The following COL4A5 variants were observed in gnomAD, a reference collection of about 807,000 sequenced individuals.
COL4A5 encodes the protein collagen alpha-5(IV) chain.
A neutral mutation model predicts 130.2 loss-of-function variants in COL4A5; 26 were observed. The ratio of observed to expected loss-of-function variants is 0.20; its 90% CI spans 0.15 to 0.28. COL4A5 has a LOEUF of 0.28. COL4A5 is among the 10% of genes least tolerant of loss of function. The probability of loss-of-function intolerance (pLI) is 1.00; values close to 1 mark genes in which losing one functional copy is unlikely to be tolerated. For missense variants in COL4A5, 1,131 were observed against 1,344.3 expected, an observed-to-expected ratio of 0.84 and a Z score of 2.48; for synonymous variants, 496 against 439.6, an observed-to-expected ratio of 1.13 and a Z score of -1.60.
At chrX:108,628,908 G>A (rs955653884) in intron 36 of COL4A5, among the ~76,000 whole-genome samples, 2 of 111,685 alleles carry the variant, frequency 1.8e-5, no homozygotes, top group Admixed American at 9.6e-5. Flanking sequence ...TAGTCAAGGA[G>A]TCATACAATA....
intron 52 of COL4A5, chrX:108,696,035 A>C (rs1806761374): frequency 1.2e-5 from 4 of 327,126 alleles, no homozygotes; most frequent in Non-Finnish European, 2.2e-5. Context: ...TGAGAGAAAG[A>C]GAAAAAGATA....
In COL4A5 at chrX:108,568,699, T is replaced by C. The variant is rs760397062; in HGVS notation, c.321+26T>C. The C allele has an allele frequency of 7.5e-6, 9 of 1,195,247 alleles. 1 individual carries two copies. In the East Asian group the frequency reaches 2.7e-4, roughly 35 times the overall value. ...GTAAGTAGCATTTCACTTTTTACTTTGAAATCTCTTGAAAAGTAATCTAAG... is the reference window on the plus strand; with the variant it reads ...GTAAGTAGCATTTCACTTTTTACTTCGAAATCTCTTGAAAAGTAATCTAAG... On this transcript the variant is annotated intron_variant, in intron 5 of 52. Coordinates refer to ENST00000328300, the MANE Select transcript of COL4A5 (RefSeq NM_033380.3).
At chrX:108,441,879 A>T (rs1208088165) in intron 1 of COL4A5, among the ~76,000 whole-genome samples, 1 of 111,949 alleles carries the variant, frequency 8.9e-6, no homozygotes, top group Non-Finnish European at 1.9e-5. Flanking sequence ...ACATCAATTA[A>T]TATTAAATCA....
In COL4A5 at chrX:108,568,671, C is replaced by T. The variant is rs182634806; in HGVS notation, c.319C>T (p.Pro107Ser). Reference protein sequence around the residue: ...LPGFPGTPGLPGMPGHDGAPG... With the variant: ...LPGFPGTPGLSGMPGHDGAPG... ...TGGATTTCCAGGGACACCAGGTCTTCCTGTAAGTAGCATTTCACTTTTTAC... is the reference window on the plus strand; with the variant it reads ...TGGATTTCCAGGGACACCAGGTCTTTCTGTAAGTAGCATTTCACTTTTTAC... Residue 107 changes from proline (P) to serine (S), a missense_variant and splice_region_variant, in exon 5 of 53, where the codon CCT becomes TCT. By Grantham distance (74) the Pro-to-Ser change is moderately conservative. Coordinates refer to ENST00000328300, the MANE Select transcript of COL4A5 (RefSeq NM_033380.3). 1.7e-4 allele frequency: 198 copies of T among 1,199,296 alleles called. No individual in the cohort carries two copies. The highest frequency in any genetic ancestry group is 2.0e-4 in the Non-Finnish European group (174 of 885,875).
At chrX:108,605,088 T>C (rs2066706845) in intron 28 of COL4A5, among the ~76,000 whole-genome samples, 1 of 112,394 alleles carries the variant, frequency 8.9e-6, no homozygotes, top group African/African-American at 3.2e-5. Context: ...CATTCGTGTG[T>C]TCACTGGAGT....
intron 36 of COL4A5, among the ~76,000 whole-genome samples, chrX:108,634,586 T>G (rs1167775794): frequency 8.9e-6 from 1 of 111,881 alleles, no homozygotes; most frequent in African/African-American, 3.2e-5. Context: ...GTATTGTAAG[T>G]TATACGAGAA....
intron 19 of COL4A5, among the ~76,000 whole-genome samples, chrX:108,589,104 A>G (rs1255369327): frequency 5.4e-5 from 6 of 111,898 alleles, no homozygotes; most frequent in African/African-American, 1.6e-4. Flanking sequence ...GTTTTAAGTA[A>G]CAACTTGGAG....
intron 1 of COL4A5, among the ~76,000 whole-genome samples, chrX:108,500,175 G>C (rs1273430005): frequency 4.5e-5 from 5 of 111,795 alleles, no homozygotes; most frequent in Non-Finnish European, 9.4e-5. Context: ...GCTAGCACAG[G>C]CAGGTAGGGA....
intron 47 of COL4A5, among the ~76,000 whole-genome samples, chrX:108,684,808 A>C (rs190568797): frequency 1.5e-3 from 165 of 112,294 alleles, no homozygotes; most frequent in African/African-American, 5.2e-3. Context: ...AAAAAAAGAA[A>C]ATTTCAGTCC....
At chrX:108,539,592 GGTAACT>G (rs2065506038) in intron 1 of COL4A5, among the ~76,000 whole-genome samples, 148 bp from the exon 2 acceptor site, 1 of 111,866 alleles carries the variant, frequency 8.9e-6, no homozygotes, top group African/African-American at 3.2e-5. Flanking sequence ...CTTCCTGAGA[GGTAACT>G]GTTATTTGCA....
At chrX:108,464,040 C>T (rs977088792) in intron 1 of COL4A5, among the ~76,000 whole-genome samples, 19 of 111,715 alleles carry the variant, frequency 1.7e-4, no homozygotes, top group Non-Finnish European at 3.0e-4. Context: ...GACTCTTCCA[C>T]CTACCAATTG....
chrX:108,620,842 A>G (rs2067026235), intron 31 of COL4A5, among the ~76,000 whole-genome samples: 1 of 110,903 alleles, frequency 9.0e-6, no homozygotes, highest in Admixed American at 9.6e-5. Flanking sequence ...CTCATCGTCC[A>G]TGGTACCTCT....
chrX:108,692,686 A>G, intron 49 of COL4A5, 62 bp from the exon 50 acceptor site: 1 of 1,108,003 alleles, frequency 9.0e-7, no homozygotes, highest in South Asian at 1.8e-5. Context: ...CTATTGTTTT[A>G]GAAGAAACCA....
intron 1 of COL4A5, among the ~76,000 whole-genome samples, chrX:108,464,034 C>T (rs1360500262): frequency 8.9e-6 from 1 of 111,804 alleles, no homozygotes; most frequent in Non-Finnish European, 1.9e-5. Context: ...TATCGAGACT[C>T]TTCCACCTAC....
chrX:108,535,072 G>A (rs1276507216), intron 1 of COL4A5, among the ~76,000 whole-genome samples: 1 of 110,008 alleles, frequency 9.1e-6, no homozygotes, highest in Non-Finnish European at 1.9e-5. Flanking sequence ...ACTTTATACT[G>A]TCTCTCTTCA....
At position 108,591,175 on chromosome X, in the gene COL4A5, C is replaced by G. The variant is rs767021073; in HGVS notation, c.1283C>G (p.Pro428Arg). ...IPGPPGLDGQ[P>R]GAPGLPGPPG... ...GGACCTCCTGGACTTGACGGACAGC[C>G]TGGGGCTCCTGGGCTTCCAGGGCCT... Residue 428 changes from proline to arginine, a missense_variant, in exon 20 of 53, where the codon CCT becomes CGT. Physicochemically the swap from Pro to Arg is moderately radical, Grantham distance 103. Coordinates refer to ENST00000328300, the MANE Select transcript of COL4A5 (RefSeq NM_033380.3). The G allele has an allele frequency of 1.7e-6, 2 of 1,210,183 alleles. No individual in the cohort carries two copies. Among genetic ancestry groups the G allele is most frequent in the Non-Finnish European group, 2.2e-6 (2 of 895,076 alleles).
At chrX:108,688,471 T>C (rs1234419394) in intron 49 of COL4A5, among the ~76,000 whole-genome samples, 1 of 110,027 alleles carries the variant, frequency 9.1e-6, no homozygotes, top group Admixed American at 9.7e-5. Flanking sequence ...AGCCTCGCTC[T>C]GTCGCCCAGG....
intron 1 of COL4A5, among the ~76,000 whole-genome samples, chrX:108,443,917 T>A (rs1484138901): frequency 3.6e-5 from 4 of 112,360 alleles, no homozygotes; most frequent in African/African-American, 1.3e-4. Context: ...AGACATTGAT[T>A]TCAATTTTCA....
chrX:108,498,890 A>T (rs185022009), intron 1 of COL4A5, among the ~76,000 whole-genome samples: 2 of 111,350 alleles, frequency 1.8e-5, no homozygotes, highest in African/African-American at 6.5e-5. Flanking sequence ...TTTAAATTTT[A>T]TGGCTTTTTA....
Sources: gnomAD v4.1 joint callset for allele counts (sites outside exome capture counted in the v4.1 genomes callset) on GRCh38, gnomAD v4.1.1 for gene constraint, MANE v1.5 for transcripts, NCBI Gene and HGNC (gene_info 2026-07-23, HGNC 2026-07-21) for gene names.